Variants in PACRG observed in about 807,000 individuals in gnomAD.
The protein encoded by PACRG is parkin coregulated, also known as parkin coregulated gene protein.
Under a neutral mutation model 29.7 loss-of-function variants are expected in PACRG, and 29 were observed. The ratio of observed to expected loss-of-function variants is 0.98; its 90% CI spans 0.73 to 1.33. PACRG has a LOEUF of 1.33. Among genes scored for constraint, PACRG ranks in the 40% most tolerant of loss-of-function variants. PACRG has a pLI of 0.00. For synonymous variants in PACRG, 116 were observed against 118.7 expected, an observed-to-expected ratio of 0.98 and a Z score of 0.15; for missense variants, 279 against 316.2, an observed-to-expected ratio of 0.88 and a Z score of 0.89.
At chr6:162,787,576 G>GTATCTA (rs1421392024) in intron 1 of PACRG, among the ~76,000 whole-genome samples, 11 of 59,516 alleles carry the variant, frequency 1.8e-4, no homozygotes, top group African/African-American at 6.6e-4. Flanking sequence ...GTGTGTGTGT[G>GTATCTA]TGTGTGTATA....
intron 2 of PACRG, among the ~76,000 whole-genome samples, chr6:163,006,460 TGATA>T (rs1199918106): frequency 1.3e-5 from 2 of 151,734 alleles, no homozygotes; most frequent in Non-Finnish European, 3.0e-5. Context: ...TTAGATCAAT[TGATA>T]GATAATGTCC....
At chr6:162,928,419 A>T (rs1797608109) in intron 2 of PACRG, among the ~76,000 whole-genome samples, 2 of 151,638 alleles carry the variant, frequency 1.3e-5, no homozygotes, top group South Asian at 4.2e-4. Flanking sequence ...TTTCTAGTCT[A>T]GCTAATGGTT....
intron 4 of PACRG, among the ~76,000 whole-genome samples, chr6:163,268,813 C>T (rs1181616572): frequency 6.6e-6 from 1 of 152,122 alleles, no homozygotes; most frequent in Admixed American, 6.5e-5. Context: ...TGAGTGGCTC[C>T]CCGTAGCTTC....
At chr6:163,076,285 C>T (rs1812533179) in intron 3 of PACRG, among the ~76,000 whole-genome samples, 2 of 152,142 alleles carry the variant, frequency 1.3e-5, no homozygotes, top group Admixed American at 1.3e-4. Context: ...GGGAATCTCC[C>T]CATGTGTGTA....
intron 4 of PACRG, among the ~76,000 whole-genome samples, chr6:163,263,146 G>T (rs186010166): frequency 3.7e-4 from 49 of 130,878 alleles, no homozygotes; most frequent in African/African-American, 1.4e-3. Flanking sequence ...TTGATAACTG[G>T]GGCCAGGTAT....
At chr6:162,910,935 T>C (rs2128076850) in intron 2 of PACRG, among the ~76,000 whole-genome samples, 1 of 152,330 alleles carries the variant, frequency 6.6e-6, no homozygotes. Flanking sequence ...CTACAGTGAT[T>C]CTGAGGATTA....
intron 1 of PACRG, among the ~76,000 whole-genome samples, chr6:162,755,812 G>A (rs1036622196): frequency 2.0e-5 from 3 of 151,840 alleles, no homozygotes; most frequent in African/African-American, 7.3e-5. Flanking sequence ...CATTCCATAC[G>A]TTTTGGTGTG....
intron 1 of PACRG, among the ~76,000 whole-genome samples, chr6:162,806,435 A>T (rs1786337253): frequency 6.6e-6 from 1 of 151,910 alleles, no homozygotes; most frequent in African/African-American, 2.4e-5. Context: ...AAGTAAAAAA[A>T]AAAAAAAAGC....
At chr6:162,896,910 C>T (rs1469978876) in intron 2 of PACRG, among the ~76,000 whole-genome samples, 1 of 152,152 alleles carries the variant, frequency 6.6e-6, no homozygotes, top group Non-Finnish European at 1.5e-5. Flanking sequence ...TGAATAGGCT[C>T]TCAGGTTATT....
intron 1 of PACRG, among the ~76,000 whole-genome samples, chr6:162,776,548 CAG>C (rs899691503): frequency 1.3e-5 from 2 of 152,196 alleles, no homozygotes; most frequent in Non-Finnish European, 1.5e-5. Flanking sequence ...CACAAGCCAA[CAG>C]GGGATAGTGC....
intron 1 of PACRG, among the ~76,000 whole-genome samples, chr6:162,775,044 G>A (rs552286789): frequency 2.5e-4 from 38 of 152,252 alleles, no homozygotes; most frequent in South Asian, 4.1e-4. Flanking sequence ...TAAAAGGTGC[G>A]GCCTTGGAGA....
chr6:162,868,651 C>T (rs1285443133), intron 2 of PACRG, among the ~76,000 whole-genome samples: 6 of 152,096 alleles, frequency 3.9e-5, no homozygotes, highest in East Asian at 1.9e-4. Context: ...CCCGAGCCGC[C>T]AGAGCACAGC....
At chr6:163,268,414 A>G (rs1783617784) in intron 4 of PACRG, among the ~76,000 whole-genome samples, 1 of 151,972 alleles carries the variant, frequency 6.6e-6, no homozygotes, top group South Asian at 2.1e-4. Flanking sequence ...AAAAAAAAAA[A>G]GAAAGTATTG....
At chr6:163,301,252 G>A (rs1035515140) in intron 4 of PACRG, among the ~76,000 whole-genome samples, 1 of 152,220 alleles carries the variant, frequency 6.6e-6, no homozygotes, top group Non-Finnish European at 1.5e-5. Flanking sequence ...GAGACAAAAA[G>A]GAAGTAAACA....
At chr6:162,773,388 C>G (rs1783372703) in intron 1 of PACRG, among the ~76,000 whole-genome samples, 1 of 148,138 alleles carries the variant, frequency 6.8e-6, no homozygotes, top group Non-Finnish European at 1.5e-5. Context: ...AGCACGAATA[C>G]TTTAAAAATA....
chr6:163,274,219 T>C (rs1449786818), intron 4 of PACRG, among the ~76,000 whole-genome samples: 1 of 152,196 alleles, frequency 6.6e-6, no homozygotes, highest in African/African-American at 2.4e-5. Flanking sequence ...TGTGATGTTC[T>C]CTGCCCTGTG....
intron 2 of PACRG, among the ~76,000 whole-genome samples, chr6:162,954,423 A>G (rs1799869337): frequency 6.6e-6 from 1 of 151,618 alleles, no homozygotes; most frequent in Admixed American, 6.6e-5. Context: ...AAACAGTTAC[A>G]AAATTTCCTG....
At chr6:162,733,677 C>T (rs576584611) in intron 1 of PACRG, among the ~76,000 whole-genome samples, 1 of 152,278 alleles carries the variant, frequency 6.6e-6, no homozygotes, top group South Asian at 2.1e-4. Flanking sequence ...TTATGCAACT[C>T]TGCTGGCCCT....
intron 1 of PACRG, among the ~76,000 whole-genome samples, chr6:162,730,616 A>T (rs912222772): frequency 2.0e-5 from 3 of 152,314 alleles, no homozygotes; most frequent in Middle Eastern, 6.8e-3. Context: ...AGAAATGCTT[A>T]TTTAAACAAT....
Sources: gnomAD v4.1 joint callset for allele counts (sites outside exome capture counted in the v4.1 genomes callset) on GRCh38, gnomAD v4.1.1 for gene constraint, MANE v1.5 for transcripts, NCBI Gene and HGNC (gene_info 2026-07-23, HGNC 2026-07-21) for gene names.